Variants in ELAVL1 observed in about 807,000 individuals in gnomAD.
ELAVL1 encodes the protein ELAV-like protein 1.
In ELAVL1, 1 loss-of-function variant was observed where a neutral mutation model predicts 28.4. The observed-to-expected ratio is 0.04, with a 90% CI of 0.01 to 0.17. The LOEUF (loss-of-function observed/expected upper bound fraction) is 0.17. Ranked by LOEUF, ELAVL1 falls within the 10% of genes least tolerant of loss-of-function variation. The pLI is 1.00. For synonymous variants in ELAVL1, 174 were observed against 183.5 expected (o/e 0.95, Z 0.42); for missense variants, 157 against 447.2 (o/e 0.35, Z 5.85).
At chr19:7,996,886 C>T (rs574796351) in intron 1 of ELAVL1, among the ~76,000 whole-genome samples, 2 of 152,196 alleles carry the variant, frequency 1.3e-5, no homozygotes, top group South Asian at 4.1e-4. Flanking sequence ...AGATACTATA[C>T]CAAAGAATAT....
In ELAVL1 at chr19:7,979,943, C is replaced by T. The variant is rs932695255; in HGVS notation, c.276+1140G>A. 6.6e-6 allele frequency among the ~76,000 whole-genome samples: 1 copy of T among 152,300 alleles called. No individual in the cohort carries two copies. Among genetic ancestry groups the T allele is most frequent in the Admixed American group, 6.5e-5 (1 of 15,298 alleles). On this transcript the variant is annotated intron_variant, in intron 3 of 5. Coordinates refer to ENST00000407627, the MANE Select transcript of ELAVL1 (RefSeq NM_001419.3). The surrounding 1 kb of genome is among the most constrained non-coding windows in gnomAD (Gnocchi z 5.4). ...GCAAAAATCCAGGCTCCCAGGCCCACCCTGCAGTGACTCAGGAGGCCCCCC... is the reference window on the plus strand; with the variant it reads ...GCAAAAATCCAGGCTCCCAGGCCCATCCTGCAGTGACTCAGGAGGCCCCCC...
At chr19:8,003,188 G>A (rs1268209308) in intron 1 of ELAVL1, among the ~76,000 whole-genome samples, 1 of 149,540 alleles carries the variant, frequency 6.7e-6, no homozygotes, top group Non-Finnish European at 1.5e-5. Context: ...AGGAGTTCGA[G>A]ACCAGCCTGC....
intron 1 of ELAVL1, among the ~76,000 whole-genome samples, chr19:7,997,725 A>G (rs569485914): frequency 6.2e-4 from 95 of 152,162 alleles, no homozygotes; most frequent in African/African-American, 2.1e-3. Flanking sequence ...AGGACTGCTT[A>G]AGCCTGGAGT....
At chr19:7,983,757 G>A (rs931741854) in intron 2 of ELAVL1, among the ~76,000 whole-genome samples, 2 of 152,190 alleles carry the variant, frequency 1.3e-5, no homozygotes, top group East Asian at 1.9e-4. Context: ...AGCCACAGCC[G>A]GTTCCTCTCA....
intron 3 of ELAVL1, among the ~76,000 whole-genome samples, chr19:7,977,636 T>C (rs1046782144): frequency 6.6e-6 from 1 of 152,164 alleles, no homozygotes; most frequent in African/African-American, 2.4e-5. Context: ...GCTGCTACTA[T>C]GGGAAAAAGA....
intron 1 of ELAVL1, among the ~76,000 whole-genome samples, chr19:8,004,211 C>A (rs890342845): frequency 2.6e-5 from 4 of 152,220 alleles, no homozygotes; most frequent in African/African-American, 7.2e-5. Context: ...CAGTGCCTAC[C>A]AGGCACAGAC....
intron 2 of ELAVL1, among the ~76,000 whole-genome samples, chr19:7,989,981 C>T (rs1207435853): frequency 1.3e-5 from 2 of 152,170 alleles, no homozygotes; most frequent in Non-Finnish European, 2.9e-5. Context: ...ACACATCACT[C>T]TATGTTCATG....
intron 3 of ELAVL1, among the ~76,000 whole-genome samples, chr19:7,978,783 C>T (rs532564276): frequency 1.3e-5 from 2 of 152,174 alleles, no homozygotes; most frequent in African/African-American, 2.4e-5. Flanking sequence ...GAGGTGAGGG[C>T]GGTCTTGTTG....
At chr19:7,974,018 C>T in intron 3 of ELAVL1, 140 bp from the exon 4 acceptor site, 9 of 1,109,246 alleles carry the variant, frequency 8.1e-6, no homozygotes, top group East Asian at 2.7e-5. Context: ...CTGACGCTCA[C>T]CGCCTGCAGC....
In ELAVL1 at chr19:7,979,527, C is replaced by A. The variant is rs568509006; in HGVS notation, c.276+1556G>T. Reference sequence around the variant, plus strand: ...AGCCTGGCTGCCTCAGAAACAAGAACCTTCACACATTTTCTAAATAGGGGA... The same window carrying A: ...AGCCTGGCTGCCTCAGAAACAAGAAACTTCACACATTTTCTAAATAGGGGA... On this transcript the variant is annotated intron_variant, in intron 3 of 5. Transcript: ENST00000407627. This position sits in a 1 kb window ranked among gnomAD's most constrained non-coding sequence, Gnocchi z 5.4. Among the ~76,000 whole-genome samples the A allele has an allele frequency of 1.4e-4, 22 of 152,358 alleles. No individual in the cohort carries two copies. The South Asian group carries it at 4.1e-3, about 29-fold the overall frequency.
intron 3 of ELAVL1, among the ~76,000 whole-genome samples, chr19:7,977,833 C>T (rs559936098): frequency 1.3e-5 from 2 of 152,364 alleles, no homozygotes; most frequent in Non-Finnish European, 2.9e-5. Context: ...AAGGGAGGAG[C>T]GGGGCAGAGG....
At chr19:7,971,253 G>A (rs1306647864) in intron 4 of ELAVL1, among the ~76,000 whole-genome samples, 1 of 152,210 alleles carries the variant, frequency 6.6e-6, no homozygotes, top group Non-Finnish European at 1.5e-5. Context: ...GAGAGACTAG[G>A]GAAGGCCCCA....
intron 4 of ELAVL1, among the ~76,000 whole-genome samples, chr19:7,970,304 T>C (rs1048280647): frequency 2.0e-5 from 3 of 152,212 alleles, no homozygotes; most frequent in African/African-American, 7.2e-5. Context: ...TACAGGTGCC[T>C]GCCACCATGC....
intron 3 of ELAVL1, among the ~76,000 whole-genome samples, chr19:7,974,731 C>G (rs779777045): frequency 6.6e-6 from 1 of 152,000 alleles, no homozygotes; most frequent in African/African-American, 2.4e-5. Flanking sequence ...TGAACCTGTG[C>G]GAAAGGAAGT....
At chr19:7,976,169 G>A (rs377430565) in intron 3 of ELAVL1, among the ~76,000 whole-genome samples, 13 of 151,360 alleles carry the variant, frequency 8.6e-5, no homozygotes, top group South Asian at 2.1e-4. Context: ...TTGGGAGGCC[G>A]AGGCGGGTGG....
At chr19:7,967,003 A>C (rs1041607724) in intron 5 of ELAVL1, among the ~76,000 whole-genome samples, 4 of 151,320 alleles carry the variant, frequency 2.6e-5, no homozygotes, top group Admixed American at 6.6e-5. Context: ...CGCTCACAGC[A>C]ACTGGTGGGG....
In ELAVL1 at chr19:7,982,617, T is replaced by C. The variant is rs1281809393; in HGVS notation, c.173-1431A>G. ...TATGGCCCCCTCCCAGTTTCCCCTA[T>C]GGGTACCACCGCAAGTGAGTATGAA... On this transcript the variant is annotated intron_variant, in intron 2 of 5. Transcript: ENST00000407627. This position sits in a 1 kb window ranked among gnomAD's most constrained non-coding sequence, Gnocchi z 4.3. Among the ~76,000 whole-genome samples the C allele has an allele frequency of 6.6e-6, 1 of 152,208 alleles. No individual in the cohort carries two copies. Among genetic ancestry groups the C allele is most frequent in the South Asian group, 2.1e-4 (1 of 4,830 alleles).
intron 4 of ELAVL1, among the ~76,000 whole-genome samples, chr19:7,969,198 C>T (rs903973522): frequency 5.3e-5 from 8 of 152,200 alleles, no homozygotes; most frequent in Non-Finnish European, 1.2e-4. Flanking sequence ...AAGATCTCAC[C>T]TCTTAAGGAA....
Position 8,000,038 on chromosome 19 carries a change from A to T in ELAVL1, c.-17+5457T>A, listed in dbSNP as rs139061443. 9.2e-5 allele frequency among the ~76,000 whole-genome samples: 14 copies of T among 152,186 alleles called. 1 individual carries two copies. Among genetic ancestry groups the T allele is most frequent in the African/African-American group, 3.4e-4 (14 of 41,522 alleles). Reference sequence around the variant, plus strand: ...GTGATCCACCCGCCTTGGCCTCCCAAAGTGCTGGGATTACAAGCATGAGCC... The same window carrying T: ...GTGATCCACCCGCCTTGGCCTCCCATAGTGCTGGGATTACAAGCATGAGCC... On this transcript the variant is annotated intron_variant, in intron 1 of 5. Transcript: ENST00000407627.
Sources: allele counts gnomAD v4.1 joint callset (sites outside exome capture counted in the v4.1 genomes callset), GRCh38; gene constraint gnomAD v4.1.1; non-coding constraint Gnocchi (gnomAD v3.1); transcripts MANE v1.5; gene names NCBI Gene and HGNC (gene_info 2026-07-23, HGNC 2026-07-21).